Variants in MED1 observed in about 807,000 individuals in gnomAD.
The protein encoded by MED1 is mediator of RNA polymerase II transcription subunit 1.
Under a neutral mutation model 121.3 loss-of-function variants are expected in MED1, and 17 were observed. The observed-to-expected ratio is 0.14, with a 90% CI of 0.10 to 0.21. The LOEUF is 0.21. Ranked by LOEUF, MED1 falls within the 10% of genes least tolerant of loss-of-function variation. The pLI is 1.00. For missense variants in MED1, 1,558 were observed against 1,919.4 expected, an observed-to-expected ratio of 0.81 and a Z score of 3.52; for synonymous variants, 661 against 694.4, an observed-to-expected ratio of 0.95 and a Z score of 0.76.
At chr17:39,422,969 C>G in intron 13 of MED1, among the ~76,000 whole-genome samples, 1 of 148,012 alleles carries the variant, frequency 6.8e-6, no homozygotes, top group South Asian at 2.1e-4. Context: ...AGATTCAAGC[C>G]ATTCTCCTCC....
chr17:39,406,939 A>C lies in MED1; in HGVS notation c.*536T>G. On this transcript the variant is annotated 3_prime_UTR_variant, in exon 17 of 17. Transcript: ENST00000300651. ...CCCCAGTCACTCCTAAGAAACAGAC[A>C]CCAAACATTACTTAAGTGTCCAAAA... The C allele has an allele frequency of 1.0e-6, 1 of 986,212 alleles. No individual in the cohort carries two copies. The highest frequency in any genetic ancestry group is 1.2e-6 in the Non-Finnish European group (1 of 830,114). 61.1% of individuals were successfully genotyped at this position (986,212 alleles called of 1,614,324 possible). A position where few individuals can be genotyped will look rare whatever the true frequency, so the allele number is the denominator to read the frequency against.
intron 8 of MED1, 42 bp from the exon 9 acceptor site, chr17:39,431,230 G>T: frequency 1.3e-6 from 2 of 1,492,068 alleles, no homozygotes; most frequent in Non-Finnish European, 1.9e-6. Context: ...TTTAATCCCT[G>T]ATGGTCTTGG....
rs2048296580 is a variant in MED1 at position 39,405,542 on chromosome 17, T to C, written c.*1933A>G. 1 of 1,363,714 alleles carries C rather than the reference T, an allele frequency of 7.3e-7. No homozygotes were observed. Among genetic ancestry groups the C allele is most frequent in the Non-Finnish European group, 9.4e-7 (1 of 1,058,220 alleles). 84.5% of individuals were successfully genotyped at this position (1,363,714 alleles called of 1,614,324 possible). On this transcript the variant is annotated 3_prime_UTR_variant, in exon 17 of 17. Coordinates refer to ENST00000300651, the MANE Select transcript of MED1 (RefSeq NM_004774.4). Reference sequence around the variant, plus strand: ...TCATGAGAAATCCAACCTGGCTGAATGTCTGAGAGGCTGCTACTGTATCAA... The same window carrying C: ...TCATGAGAAATCCAACCTGGCTGAACGTCTGAGAGGCTGCTACTGTATCAA...
At position 39,405,339 on chromosome 17, in the gene MED1, TC is replaced by T; in HGVS notation, c.*2135del. 1 of 1,594,124 alleles carries T rather than the reference TC, an allele frequency of 6.3e-7. No homozygotes were observed. Among genetic ancestry groups the T allele is most frequent in the Non-Finnish European group, 8.5e-7 (1 of 1,170,326 alleles). On this transcript the variant is annotated 3_prime_UTR_variant, in exon 17 of 17. Coordinates refer to ENST00000300651, the MANE Select transcript of MED1 (RefSeq NM_004774.4). ...ATGAAGACAGAAAGAGAGAAAAGCT[TC>T]CCAGTTTACTCATTTTGGTATTTGT... is the stretch of plus-strand genomic sequence containing the variant.
intron 6 of MED1, among the ~76,000 whole-genome samples, chr17:39,437,368 G>GC (rs1290041767): frequency 6.6e-6 from 1 of 152,090 alleles, no homozygotes; most frequent in Non-Finnish European, 1.5e-5. Context: ...ATGAGCCACC[G>GC]CCCCCAGCTA....
At chr17:39,410,778 G>C in intron 16 of MED1, 57 bp from the exon 17 acceptor site, 1 of 1,533,248 alleles carries the variant, frequency 6.5e-7, no homozygotes, top group Non-Finnish European at 8.8e-7. Flanking sequence ...AATGAGACCT[G>C]AGATTTAGAT....
At chr17:39,428,067 AG>A (rs1290837741) in intron 9 of MED1, among the ~76,000 whole-genome samples, 1 of 152,026 alleles carries the variant, frequency 6.6e-6, no homozygotes, top group Non-Finnish European at 1.5e-5. Context: ...TAATAATAAT[AG>A]GCCGGGCGCG....
chr17:39,423,805 A>T lies in MED1; in HGVS notation c.868T>A (p.Ser290Thr). The change falls in exon 12 of 17, where the codon TCA (serine) becomes ACA (threonine). Residue 290 changes from serine (S) to threonine (T), a missense_variant. Physicochemically the swap from Ser to Thr is moderately conservative, Grantham distance 58. Transcript: ENST00000300651. ...VDNKWTPSFS[S>T]ITSANSVDLP... ...TCAACACTGTTGGCACTGGTGATTG[A>T]GGAGAAGGAAGGGGTCCTTCAAAAA... 6.2e-7 allele frequency: 1 copy of T among 1,611,504 alleles called. No homozygotes were observed. The highest frequency in any genetic ancestry group is 8.5e-7 in the Non-Finnish European group (1 of 1,179,314).
At chr17:39,414,972 A>C in intron 16 of MED1, 54 bp downstream of exon 16, 1 of 1,545,384 alleles carries the variant, frequency 6.5e-7, no homozygotes, top group Middle Eastern at 1.7e-4. Context: ...CCTACTCAAC[A>C]ACATTCTTTA....
intron 16 of MED1, 97 bp downstream of exon 16, chr17:39,414,929 A>G: frequency 9.3e-7 from 1 of 1,073,952 alleles, no homozygotes; most frequent in East Asian, 2.4e-5. Flanking sequence ...CGGCCTCCCA[A>G]AGTGTGGGGA....
chr17:39,433,019 G>C (rs994951656), intron 7 of MED1, among the ~76,000 whole-genome samples: 2 of 152,012 alleles, frequency 1.3e-5, no homozygotes, highest in African/African-American at 4.8e-5. Context: ...GCCTGGCCAA[G>C]ATGGTGAAAC....
At chr17:39,447,733 G>C in intron 2 of MED1, 65 bp downstream of exon 2, 1 of 1,162,668 alleles carries the variant, frequency 8.6e-7, no homozygotes, top group East Asian at 2.4e-5. Flanking sequence ...TCTACATGGG[G>C]AGCTTAGCGT....
intron 2 of MED1, 83 bp downstream of exon 2, chr17:39,447,715 T>C (rs531532971): frequency 1.0e-6 from 1 of 973,674 alleles, no homozygotes; most frequent in South Asian, 1.5e-5. Context: ...GAAGATAGTA[T>C]GAACACATCT....
chr17:39,439,213 T>C lies in MED1; in HGVS notation c.400-20A>G, dbSNP rs200989226. 3,800 of 1,574,616 alleles carry C rather than the reference T, an allele frequency of 2.4e-3. 6 individuals are homozygous for C. Among genetic ancestry groups the C allele is most frequent in the Non-Finnish European group, 3.1e-3 (3,624 of 1,169,624 alleles). ...ACAGCTCTGAAATCAAAGAAAATTA[T>C]GTTAAAACATTAAAACTACTTTAGC... On this transcript the variant is annotated intron_variant, in intron 5 of 16. Transcript: ENST00000300651.
rs1211841868 is a variant in MED1, at chr17:39,423,678, C to A, written c.976+19G>T. On this transcript the variant is annotated intron_variant, in intron 12 of 16. Transcript: ENST00000300651. ...TTCACATTTATAACAAGTACTAGAT[C>A]CTGATGCTCAAAACTCACCTGTGCA... 1 of 1,613,818 alleles carries A rather than the reference C, an allele frequency of 6.2e-7. No homozygotes were observed. The highest frequency in any genetic ancestry group is 1.3e-5 in the African/African-American group (1 of 74,992).
chr17:39,440,664 T>A lies in MED1; in HGVS notation c.225A>T (p.Pro75=). 1.2e-6 allele frequency: 2 copies of A among 1,613,068 alleles called. No individual in the cohort carries two copies. Among genetic ancestry groups the A allele is most frequent in the Non-Finnish European group, 1.7e-6 (2 of 1,179,398 alleles). ...LQKALKVTSL[P]AMTDRLESIA... The stretch of plus-strand genomic sequence containing the variant: ...TGGACTCCAAACGATCAGTCATTGC[T>A]GGTAAAGATGTTACTATAAAAGGAT... The change falls in exon 4 of 17, where the codon CCA becomes CCT. Residue 75 remains proline (P), a synonymous_variant. Coordinates refer to ENST00000300651, the MANE Select transcript of MED1 (RefSeq NM_004774.4). The surrounding 1 kb of genome is among the most constrained non-coding windows in gnomAD (Gnocchi z 4.1).
rs541572206 is a variant in MED1, at chr17:39,435,250, C to T, written c.429-930G>A. 1.1e-4 allele frequency among the ~76,000 whole-genome samples: 17 copies of T among 152,138 alleles called. No individual in the cohort carries two copies. The East Asian group carries it at 2.9e-3, about 26-fold the overall frequency. On this transcript the variant is annotated intron_variant, in intron 6 of 16. Transcript: ENST00000300651. Reference sequence around the variant, plus strand: ...GCAAAGATGAGAGGGAAAACAAATACTAGGACAGAGATGGAGACCCAGAGA... The same window carrying T: ...GCAAAGATGAGAGGGAAAACAAATATTAGGACAGAGATGGAGACCCAGAGA...
At chr17:39,443,654 G>A (rs2048699780) in intron 2 of MED1, 26 bp from the exon 3 acceptor site, 2 of 1,588,210 alleles carry the variant, frequency 1.3e-6, no homozygotes, top group Non-Finnish European at 1.7e-6. Context: ...AAACATTTGA[G>A]GTGAAAATTA....
Position 39,440,745 on chromosome 17 carries a change from C to T in MED1, c.212-68G>A. ...TGACTTAAATGATATTCTTTTAAGA[C>T]AGAAAGATTCATCCTTCCAAAACCG... On this transcript the variant is annotated intron_variant, in intron 3 of 16. Transcript: ENST00000300651. This position sits in a 1 kb window ranked among gnomAD's most constrained non-coding sequence, Gnocchi z 4.1. 7.1e-7 allele frequency: 1 copy of T among 1,401,834 alleles called. No individual in the cohort carries two copies. The highest frequency in any genetic ancestry group is 2.0e-5 in the Admixed American group (1 of 50,340). 86.8% of individuals were successfully genotyped at this position (1,401,834 alleles called of 1,614,324 possible).
Sources: allele counts gnomAD v4.1 joint callset (sites outside exome capture counted in the v4.1 genomes callset), GRCh38; gene constraint gnomAD v4.1.1; non-coding constraint Gnocchi (gnomAD v3.1); transcripts MANE v1.5; gene names NCBI Gene and HGNC (gene_info 2026-07-23, HGNC 2026-07-21).